PTPRQ: variants seen among roughly 807,000 people sequenced by gnomAD.
The protein encoded by PTPRQ is phosphatidylinositol phosphatase PTPRQ.
Under a neutral mutation model 246.0 loss-of-function variants are expected in PTPRQ, and 199 were observed. That is an observed-to-expected ratio of 0.81 (90% CI 0.72 to 0.91). The LOEUF (loss-of-function observed/expected upper bound fraction) is 0.91. PTPRQ is among the 40% of genes least tolerant of loss of function. The pLI, the probability that PTPRQ is intolerant of heterozygous loss-of-function variation, is 0.00. For missense variants in PTPRQ, 2,624 were observed against 2,528.4 expected, an observed-to-expected ratio of 1.04 and a Z score of -0.81; for synonymous variants, 869 against 853.2, an observed-to-expected ratio of 1.02 and a Z score of -0.32.
At chr12:80,579,993 A>T (rs1036293441) in intron 25 of PTPRQ, among the ~76,000 whole-genome samples, 18 of 152,198 alleles carry the variant, frequency 1.2e-4, no homozygotes, top group Non-Finnish European at 1.5e-5. Flanking sequence ...AACAATTTAA[A>T]CTTGGTCATC....
intron 19 of PTPRQ, among the ~76,000 whole-genome samples, chr12:80,536,242 G>A (rs1031816980): frequency 1.2e-4 from 19 of 152,318 alleles, no homozygotes; most frequent in Admixed American, 7.8e-4. Flanking sequence ...AGTAAAAGAA[G>A]AAGAAAGATA....
intron 33 of PTPRQ, among the ~76,000 whole-genome samples, chr12:80,622,827 G>A (rs927171932): frequency 2.0e-5 from 3 of 151,910 alleles, no homozygotes; most frequent in Non-Finnish European, 4.4e-5. Context: ...GGTTGTTGAA[G>A]TTTTGTGTAA....
In PTPRQ at chr12:80,588,335, GA is replaced by G; in HGVS notation, c.4494del (p.Glu1499ArgfsTer6). ...ATACCTCTATGAAGCTCACTTAACTGAAGAGACAGTATATGGATTAAAGAAA... is the reference window on the plus strand; with the variant it reads ...ATACCTCTATGAAGCTCACTTAACTGAGAGACAGTATATGGATTAAAGAAA... ...IQYLYEAHLTEETVYGLKKFR... is the reference protein window; with the variant it reads ...IQYLYEAHLTXETVYGLKKFR... On this transcript the variant is annotated frameshift_variant, in exon 26 of 45. Transcript: ENST00000644991. LOFTEE classifies it high-confidence loss of function. 1 of 1,551,390 alleles carries G rather than the reference GA, an allele frequency of 6.4e-7. No homozygotes were observed. The highest frequency in any genetic ancestry group is 8.7e-7 in the Non-Finnish European group (1 of 1,146,852).
chr12:80,501,316 G>C (rs965265512), intron 14 of PTPRQ, among the ~76,000 whole-genome samples: 3 of 152,000 alleles, frequency 2.0e-5, no homozygotes, highest in African/African-American at 7.2e-5. Flanking sequence ...TATGTTGAAT[G>C]TTGAAGTAAA....
At chr12:80,450,024 T>A (rs988983285) in intron 3 of PTPRQ, among the ~76,000 whole-genome samples, 32 of 152,226 alleles carry the variant, frequency 2.1e-4, no homozygotes, top group South Asian at 1.9e-3. Flanking sequence ...AATGTTCTTC[T>A]TTTGTTTGTA....
intron 25 of PTPRQ, among the ~76,000 whole-genome samples, chr12:80,582,870 A>G (rs547596920): frequency 6.6e-6 from 1 of 151,736 alleles, no homozygotes; most frequent in South Asian, 2.1e-4. Context: ...AACAAAAACA[A>G]AAACAAAAAC....
chr12:80,548,298 T>G (rs1159550291), intron 24 of PTPRQ, among the ~76,000 whole-genome samples: 1 of 152,110 alleles, frequency 6.6e-6, no homozygotes, highest in Non-Finnish European at 1.5e-5. Context: ...AAATCTGGAT[T>G]TAGAAACTAA....
At position 80,522,677 on chromosome 12, in the gene PTPRQ, A is replaced by G. The variant is rs146889571; in HGVS notation, c.2679-11338A>G. On this transcript the variant is annotated intron_variant, in intron 17 of 44. Coordinates refer to ENST00000644991, the MANE Select transcript of PTPRQ (RefSeq NM_001145026.2). ...TGCTGGATTATGTTTATTGATTTGC[A>G]TATGTGGAGCCAGCCTTGCATCCCA... 2.5e-3 allele frequency among the ~76,000 whole-genome samples: 380 copies of G among 152,166 alleles called. 5 individuals are homozygous for G. Among genetic ancestry groups the G allele is most frequent in the African/African-American group, 8.7e-3 (361 of 41,506 alleles).
chr12:80,492,862 A>G (rs1274145541), intron 9 of PTPRQ, among the ~76,000 whole-genome samples: 2 of 152,038 alleles, frequency 1.3e-5, no homozygotes, highest in African/African-American at 4.8e-5. Context: ...TGTATGGTAT[A>G]CAAATGAGGA....
rs1198141255 is a variant in PTPRQ at position 80,445,512 on chromosome 12, T to C, written c.185T>C (p.Leu62Pro). The C allele has an allele frequency of 1.3e-6, 2 of 1,545,698 alleles. No individual in the cohort carries two copies. Among genetic ancestry groups the C allele is most frequent in the Admixed American group, 2.0e-5 (1 of 50,604 alleles). The change falls in exon 3 of 45, where the codon CTA becomes CCA. Residue 62 changes from leucine to proline, a missense_variant. Physicochemically the swap from Leu to Pro is moderately conservative, Grantham distance 98. Coordinates refer to ENST00000644991, the MANE Select transcript of PTPRQ (RefSeq NM_001145026.2). ...ATAGAACCAGGGCCTCCAGTCTTCC[T>C]AGCCGGGGAAAGAGTCGGATCTGCT... ...NVTKPGPPVF[L>P]AGERVGSAGI...
At chr12:80,538,129 A>G (rs1482357097) in intron 19 of PTPRQ, among the ~76,000 whole-genome samples, 1 of 152,118 alleles carries the variant, frequency 6.6e-6, no homozygotes, top group East Asian at 1.9e-4. Flanking sequence ...AAAGTGTTAA[A>G]TGAATATTAG....
intron 19 of PTPRQ, among the ~76,000 whole-genome samples, chr12:80,537,983 C>T (rs553966106): frequency 6.0e-4 from 92 of 152,134 alleles, no homozygotes; most frequent in African/African-American, 2.1e-3. Context: ...GTGGCAGGCT[C>T]CTGTAGTCCC....
chr12:80,581,520 A>G (rs1333237294), intron 25 of PTPRQ, among the ~76,000 whole-genome samples: 2 of 152,046 alleles, frequency 1.3e-5, no homozygotes, highest in Non-Finnish European at 2.9e-5. Flanking sequence ...CTGTGATTCC[A>G]GCTACCCGAG....
intron 39 of PTPRQ, among the ~76,000 whole-genome samples, chr12:80,660,055 C>G (rs182007357): frequency 2.0e-5 from 3 of 151,948 alleles, no homozygotes; most frequent in African/African-American, 4.8e-5. Flanking sequence ...TTTCCCCCTA[C>G]CCCCAAATTT....
At chr12:80,528,182 A>C (rs935411068) in intron 17 of PTPRQ, among the ~76,000 whole-genome samples, 2 of 152,210 alleles carry the variant, frequency 1.3e-5, no homozygotes, top group Non-Finnish European at 2.9e-5. Context: ...GTAAGATATA[A>C]CTTATACACT....
At chr12:80,448,358 T>C (rs1892619954) in intron 3 of PTPRQ, among the ~76,000 whole-genome samples, 1 of 152,034 alleles carries the variant, frequency 6.6e-6, no homozygotes, top group Admixed American at 6.6e-5. Context: ...ATGCTTCCTG[T>C]TTTCCAATTT....
intron 25 of PTPRQ, among the ~76,000 whole-genome samples, chr12:80,574,805 A>G (rs1565795309): frequency 6.6e-6 from 1 of 152,188 alleles, no homozygotes; most frequent in South Asian, 2.1e-4. Flanking sequence ...GTATGTGTGC[A>G]TGCACACTCG....
rs191645027 is a variant in PTPRQ at position 80,611,092 on chromosome 12, G to A, written c.4918+467G>A. On this transcript the variant is annotated intron_variant, in intron 28 of 44. Transcript: ENST00000644991. Reference sequence around the variant, plus strand: ...AATCCAGCTCACATTTATCACAGCTGTTGTCTTCCCTTAGTCAAGTAATAT... The same window carrying A: ...AATCCAGCTCACATTTATCACAGCTATTGTCTTCCCTTAGTCAAGTAATAT... Among the ~76,000 whole-genome samples the A allele has an allele frequency of 2.8e-3, 421 of 150,484 alleles. 1 individual carries two copies. The highest frequency in any genetic ancestry group is 9.4e-3 in the African/African-American group (390 of 41,372).
chr12:80,675,993 G>A (rs1381013598), intron 43 of PTPRQ, among the ~76,000 whole-genome samples: 1 of 152,156 alleles, frequency 6.6e-6, no homozygotes, highest in Non-Finnish European at 1.5e-5. Context: ...GTGCCCAGCA[G>A]GCAGTAAATG....
Sources: allele counts gnomAD v4.1 joint callset (sites outside exome capture counted in the v4.1 genomes callset), GRCh38; gene constraint gnomAD v4.1.1; transcripts MANE v1.5; gene names NCBI Gene and HGNC (gene_info 2026-07-23, HGNC 2026-07-21).